The following ATP13A3 variants were observed in gnomAD, a reference collection of about 807,000 sequenced individuals.
ATP13A3 encodes the protein ATPase 13A3.
ATP13A3 carries 59 observed loss-of-function variants against 158.1 expected under a neutral mutation model. That is an observed-to-expected ratio of 0.37 (90% CI 0.30 to 0.46). The LOEUF is 0.46. Among genes scored for constraint, ATP13A3 ranks in the 20% least tolerant of loss-of-function variants. ATP13A3 has a pLI of 1.00. For synonymous variants in ATP13A3, 491 were observed against 504.3 expected, an observed-to-expected ratio of 0.97 and a Z score of 0.35; for missense variants, 1,166 against 1,525.2, an observed-to-expected ratio of 0.76 and a Z score of 3.92.
At chr3:194,489,444 A>G (rs934654107), upstream of ATP13A3, among the ~76,000 whole-genome samples, 4 of 150,198 alleles carry the variant, frequency 2.7e-5, no homozygotes, top group Non-Finnish European at 4.5e-5. The surrounding 1 kb of genome is among the most constrained non-coding windows in gnomAD (Gnocchi z 4.1). Flanking sequence ...ACTCCATCTA[A>G]AAAAAAAAAT....
At chr3:194,469,594 T>C (rs1031393162) in intron 2 of ATP13A3, among the ~76,000 whole-genome samples, 1 of 152,354 alleles carries the variant, frequency 6.6e-6, no homozygotes, top group East Asian at 1.9e-4. Context: ...GAGATTTCTG[T>C]GACACCTTGT....
intron 5 of ATP13A3, 78 bp from the exon 6 acceptor site, chr3:194,459,619 C>A: frequency 1.6e-6 from 2 of 1,237,098 alleles, no homozygotes; most frequent in Non-Finnish European, 2.3e-6. Flanking sequence ...CTATTAACAG[C>A]TATATATAGG....
chr3:194,430,120 G>C lies in ATP13A3; in HGVS notation c.2729C>G (p.Pro910Arg). ...AATACTAGGAGTCTTAGAGGTAAAG[G>C]GAGATGCCACTGAAGCTTCGAGCTC... ...LSELEASVASPFTSKTPSISC... is the reference protein window; with the variant it reads ...LSELEASVASRFTSKTPSISC... Residue 910 changes from proline (P) to arginine (R), a missense_variant, in exon 26 of 34, where the codon CCC (proline) becomes CGC (arginine). Transcript: ENST00000645319. The C allele has an allele frequency of 1.2e-6, 2 of 1,614,074 alleles. No homozygotes were observed. Among genetic ancestry groups the C allele is most frequent in the Non-Finnish European group, 8.5e-7 (1 of 1,180,006 alleles).
chr3:194,433,246 T>TC (rs957267937), intron 21 of ATP13A3, among the ~76,000 whole-genome samples: 3 of 144,524 alleles, frequency 2.1e-5, no homozygotes, highest in African/African-American at 7.6e-5. Context: ...TTTTTTTTTT[T>TC]TTTTTTTTGA....
At chr3:194,488,594 T>G (rs1721092204), upstream of ATP13A3, 1 of 152,422 alleles carries the variant, frequency 6.6e-6, no homozygotes. The surrounding 1 kb of genome is among the most constrained non-coding windows in gnomAD (Gnocchi z 4.1). Context: ...TGCCAAACCT[T>G]GCAGGCATTC....
chr3:194,459,622 T>C, intron 5 of ATP13A3, 81 bp from the exon 6 acceptor site: 4 of 1,145,860 alleles, frequency 3.5e-6, no homozygotes, highest in African/African-American at 1.6e-5. Context: ...TTAACAGCTA[T>C]ATATAGGATT....
intron 2 of ATP13A3, among the ~76,000 whole-genome samples, chr3:194,480,038 A>G (rs917019717): frequency 1.3e-5 from 2 of 152,174 alleles, no homozygotes; most frequent in Non-Finnish European, 2.9e-5. Flanking sequence ...TCCAGTTAAC[A>G]AAAAAACAAA....
rs185805037 is a variant in ATP13A3 at position 194,459,930 on chromosome 3, A to G, written c.267T>C (p.Leu89=). Residue 89 remains leucine (L), a synonymous_variant, in exon 5 of 34, where the codon CTT becomes CTC. Transcript: ENST00000645319. ...TTGAAACTGGGTAAGTTTCCAAAGA[A>G]AGAACGCGAATTTTTGCACAAAACC... The part of the protein sequence containing the change: ...KMWFCAKIRV[L]SLETYPVSSP... 1 of 1,613,360 alleles carries G rather than the reference A, an allele frequency of 6.2e-7. No individual in the cohort carries two copies. Among genetic ancestry groups the G allele is most frequent in the East Asian group, 2.2e-5 (1 of 44,780 alleles).
intron 2 of ATP13A3, among the ~76,000 whole-genome samples, chr3:194,463,870 G>A (rs1297789314): frequency 6.6e-6 from 1 of 152,146 alleles, no homozygotes; most frequent in Admixed American, 6.5e-5. Flanking sequence ...CAATAAGAGG[G>A]GTCTATCTGC....
upstream of ATP13A3, chr3:194,487,134 T>C (rs1490437568): frequency 6.6e-6 from 1 of 152,032 alleles, no homozygotes; most frequent in East Asian, 1.9e-4. Context: ...ACCCATCGCC[T>C]TTGCCACCCT....
chr3:194,446,305 T>C, intron 14 of ATP13A3, among the ~76,000 whole-genome samples: 1 of 152,010 alleles, frequency 6.6e-6, no homozygotes, highest in Non-Finnish European at 1.5e-5. Flanking sequence ...TCTCTCCCTG[T>C]CTGCATGGGT....
intron 1 of ATP13A3, 114 bp from the exon 2 acceptor site, chr3:194,485,949 C>T (rs967716152): frequency 6.6e-6 from 1 of 152,206 alleles, no homozygotes; most frequent in Non-Finnish European, 1.5e-5. Flanking sequence ...ATCCCTACCC[C>T]TCACCTCCCC....
chr3:194,447,053 T>C lies in ATP13A3; in HGVS notation c.1371A>G (p.Ala457=), dbSNP rs775046738. The C allele has an allele frequency of 6.2e-6, 10 of 1,613,186 alleles. No homozygotes were observed. Among genetic ancestry groups the C allele is most frequent in the Non-Finnish European group, 8.5e-6 (10 of 1,179,802 alleles). ...LDIITITVPP[A]LPAAMTAGIV... ...TACCAGCAGTCATTGCAGCAGGAAG[T>C]GCAGGGGGCACAGTAATTGTGATAA... Residue 457 remains alanine (A), a synonymous_variant, in exon 14 of 34, where the codon GCA becomes GCG. Coordinates refer to ENST00000645319, the MANE Select transcript of ATP13A3 (RefSeq NM_001367549.1).
At chr3:194,439,562 A>G (rs1717898446) in intron 16 of ATP13A3, among the ~76,000 whole-genome samples, 1 of 152,230 alleles carries the variant, frequency 6.6e-6, no homozygotes, top group Non-Finnish European at 1.5e-5. Flanking sequence ...TGGGATCAAT[A>G]AATGAGAAAA....
At chr3:194,479,052 G>C (rs1010599756) in intron 2 of ATP13A3, among the ~76,000 whole-genome samples, 3 of 152,072 alleles carry the variant, frequency 2.0e-5, no homozygotes, top group Non-Finnish European at 4.4e-5. Context: ...GGAACATGAA[G>C]AATAGTGAGT....
chr3:194,423,756 T>C (rs1395044075), intron 30 of ATP13A3, among the ~76,000 whole-genome samples: 1 of 152,210 alleles, frequency 6.6e-6, no homozygotes, highest in Non-Finnish European at 1.5e-5. Context: ...AAACAAAATT[T>C]CTTAAACCTT....
rs1577046628 is a variant in ATP13A3 at position 194,430,114 on chromosome 3, G to A, written c.2735C>T (p.Thr912Ile). The change falls in exon 26 of 34, where the codon ACC becomes ATC. Residue 912 changes from threonine (T) to isoleucine (I), a missense_variant. Thr to Ile is a moderately conservative substitution (Grantham distance 89). This residue lies in a region of ATP13A3 where 997 missense variants were observed against 1,341.2 expected (regional missense o/e 0.74). Coordinates refer to ENST00000645319, the MANE Select transcript of ATP13A3 (RefSeq NM_001367549.1). Reference protein sequence around the residue: ...ELEASVASPFTSKTPSISCVP... With the variant: ...ELEASVASPFISKTPSISCVP... ...ACAGGAAATACTAGGAGTCTTAGAG[G>A]TAAAGGGAGATGCCACTGAAGCTTC... 6.2e-7 allele frequency: 1 copy of A among 1,614,118 alleles called. No homozygotes were observed. The highest frequency in any genetic ancestry group is 8.5e-7 in the Non-Finnish European group (1 of 1,180,014).
chr3:194,430,377 A>G, intron 24 of ATP13A3, 62 bp from the exon 25 acceptor site: 3 of 1,521,336 alleles, frequency 2.0e-6, no homozygotes, highest in Non-Finnish European at 2.7e-6. Flanking sequence ...CATTTAACTT[A>G]TTAAGACTTT....
chr3:194,479,440 G>A (rs2109054856), intron 2 of ATP13A3, among the ~76,000 whole-genome samples: 1 of 151,602 alleles, frequency 6.6e-6, no homozygotes, highest in East Asian at 1.9e-4. Context: ...AGGAAAATTA[G>A]AAACATAAAC....
Sources: allele counts gnomAD v4.1 joint callset (sites outside exome capture counted in the v4.1 genomes callset), GRCh38; gene constraint gnomAD v4.1.1; regional missense constraint gnomAD v4.1.1; non-coding constraint Gnocchi (gnomAD v3.1); transcripts MANE v1.5; gene names NCBI Gene and HGNC (gene_info 2026-07-23, HGNC 2026-07-21).